Variants in TNKS1BP1 observed in about 807,000 individuals in gnomAD.
The protein encoded by TNKS1BP1 is CCR4-NOT transcription complex subunit 12, also known as 182 kDa tankyrase-1-binding protein.
Under a neutral mutation model 141.1 loss-of-function variants are expected in TNKS1BP1, and 48 were observed. The ratio of observed to expected loss-of-function variants is 0.34; its 90% CI spans 0.27 to 0.43. The LOEUF (loss-of-function observed/expected upper bound fraction) is 0.43. TNKS1BP1 is among the 20% of genes least tolerant of loss of function. TNKS1BP1 has a pLI of 1.00. For missense variants in TNKS1BP1, 2,149 were observed against 2,226.0 expected, an observed-to-expected ratio of 0.97 and a Z score of 0.70; for synonymous variants, 875 against 898.2, an observed-to-expected ratio of 0.97 and a Z score of 0.46.
rs772563466 is a variant in TNKS1BP1, at chr11:57,308,592, G to A, written c.4119C>T (p.Cys1373=). The A allele has an allele frequency of 3.1e-6, 5 of 1,613,928 alleles. No individual in the cohort carries two copies. The African/African-American group carries it at 5.3e-5, about 17-fold the overall frequency. Residue 1373 remains cysteine (C), a synonymous_variant, in exon 6 of 12, where the codon TGC becomes TGT. Transcript: ENST00000358252. ...CATTGTGCCTCAGGCCGGGCTCTGG[G>A]CACTGGCTCACCCCGCCCACCCCAT... The part of the protein sequence containing the change: ...REHGVGGVSQ[C]PEPGLRHNGS...
Position 57,313,787 on chromosome 11 carries a change from A to G in TNKS1BP1, c.901T>C (p.Ser301Pro), listed in dbSNP as rs1415372869. 1.3e-6 allele frequency: 2 copies of G among 1,592,924 alleles called. No individual in the cohort carries two copies. The highest frequency in any genetic ancestry group is 1.3e-5 in the African/African-American group (1 of 74,374). ...PAEASGSGPG[S>P]PHLHPPDKSS... Reference sequence around the variant, plus strand: ...TTATCAGGCGGGTGAAGATGGGGAGAGCCAGGGCCTGAGCCTGAGGCTTCT... The same window carrying G: ...TTATCAGGCGGGTGAAGATGGGGAGGGCCAGGGCCTGAGCCTGAGGCTTCT... The change falls in exon 5 of 12, where the codon TCT becomes CCT. Residue 301 changes from serine to proline, a missense_variant. Coordinates refer to ENST00000358252, the MANE Select transcript of TNKS1BP1 (RefSeq NM_033396.3).
intron 4 of TNKS1BP1, among the ~76,000 whole-genome samples, chr11:57,315,693 C>T (rs1855788301): frequency 6.6e-6 from 1 of 151,588 alleles, no homozygotes; most frequent in Non-Finnish European, 1.5e-5. Flanking sequence ...AGCTGATGGC[C>T]TTGCTTCCTG....
In TNKS1BP1 at chr11:57,312,747, C is replaced by T. The variant is rs370174575; in HGVS notation, c.1941G>A (p.Glu647=). 4 of 1,592,342 alleles carry T rather than the reference C, an allele frequency of 2.5e-6. No homozygotes were observed. The African/African-American group carries it at 4.0e-5, about 16-fold the overall frequency. Reference sequence around the variant, plus strand: ...CCCGGGCTAGGGTCACGGCCTCCTCCTCAACAGGCAGTGCCTGTCCAGGCT... The same window carrying T: ...CCCGGGCTAGGGTCACGGCCTCCTCTTCAACAGGCAGTGCCTGTCCAGGCT... ...APEPGQALPV[E]EEAVTLARAE... The change falls in exon 5 of 12, where the codon GAG becomes GAA. Residue 647 remains glutamate, a synonymous_variant. Transcript: ENST00000358252.
Position 57,313,673 on chromosome 11 carries a change from G to T in TNKS1BP1, c.1015C>A (p.Pro339Thr), listed in dbSNP as rs759968820. The T allele has an allele frequency of 8.3e-6, 13 of 1,567,718 alleles. No individual in the cohort carries two copies. The highest frequency in any genetic ancestry group is 1.1e-5 in the Non-Finnish European group (13 of 1,155,922). The change falls in exon 5 of 12, where the codon CCA becomes ACA. Residue 339 changes from proline (P) to threonine (T), a missense_variant. By Grantham distance (38) the Pro-to-Thr change is conservative. Coordinates refer to ENST00000358252, the MANE Select transcript of TNKS1BP1 (RefSeq NM_033396.3). Reference sequence around the variant, plus strand: ...CCCTCGTCAGGCAGGGCTGCACTTGGAGCTGATGGAGTCACAGCGGGGCAG... The same window carrying T: ...CCCTCGTCAGGCAGGGCTGCACTTGTAGCTGATGGAGTCACAGCGGGGCAG... Reference protein sequence around the residue: ...SPCPAVTPSAPSAALPDEGSR... With the variant: ...SPCPAVTPSATSAALPDEGSR...
chr11:57,309,892 T>C lies in TNKS1BP1; in HGVS notation c.2819A>G (p.Tyr940Cys). ...CTGTGGCTCCGCAGCCCGGCTGCCA[T>C]AGGTGCCGAGTGACACATCTCTCTT... is the stretch of plus-strand genomic sequence containing the variant. ...FQKRDVSLGT[Y>C]GSRAAEPQEQ... Residue 940 changes from tyrosine (Y) to cysteine (C), a missense_variant, in exon 6 of 12, where the codon TAT becomes TGT. Tyr to Cys is a radical substitution (Grantham distance 194). Coordinates refer to ENST00000358252, the MANE Select transcript of TNKS1BP1 (RefSeq NM_033396.3). The surrounding 1 kb of genome is among the most constrained non-coding windows in gnomAD (Gnocchi z 4.3). The C allele has an allele frequency of 5.0e-6, 8 of 1,614,170 alleles. No individual in the cohort carries two copies. Among genetic ancestry groups the C allele is most frequent in the South Asian group, 1.1e-5 (1 of 91,074 alleles).
At position 57,309,019 on chromosome 11, in the gene TNKS1BP1, A is replaced by G. The variant is rs750144135; in HGVS notation, c.3692T>C (p.Val1231Ala). ...GVGEKDWTSD[V>A]NVKSKDLAEV... ...AGCCAAATCTTTGCTCTTCACATTA[A>G]CATCAGAAGTCCAGTCCTTCTCCCC... The change falls in exon 6 of 12, where the codon GTT becomes GCT. Residue 1231 changes from valine (V) to alanine (A), a missense_variant. Coordinates refer to ENST00000358252, the MANE Select transcript of TNKS1BP1 (RefSeq NM_033396.3). The surrounding 1 kb of genome is among the most constrained non-coding windows in gnomAD (Gnocchi z 4.3). The G allele has an allele frequency of 2.8e-5, 45 of 1,613,998 alleles. No individual in the cohort carries two copies. The highest frequency in any genetic ancestry group is 3.7e-5 in the Non-Finnish European group (44 of 1,179,980).
chr11:57,301,838 A>AGGTT lies in TNKS1BP1; in HGVS notation c.4936_4939dup (p.Leu1647GlnfsTer23). 1 of 1,614,154 alleles carries AGGTT rather than the reference A, an allele frequency of 6.2e-7. No individual in the cohort carries two copies. Among genetic ancestry groups the AGGTT allele is most frequent in the Non-Finnish European group, 8.5e-7 (1 of 1,180,014 alleles). ...GGCTGAGGGGCTCAGGCCAGGAAAG[A>AGGTT]GGTTGACTTTCAGCCCCTTGGTGCC... On this transcript the variant is annotated frameshift_variant, in exon 9 of 12. Transcript: ENST00000358252. LOFTEE classifies it high-confidence loss of function.
Position 57,324,867 on chromosome 11 carries a change from G to A in TNKS1BP1, c.-93C>T. ...GCTCGCCCGGGGTCCGGCTCCGCTC[G>A]GCTCGGGGCCCCGATGCCAGTCCCC... On this transcript the variant is annotated 5_prime_UTR_variant, in exon 1 of 12. Transcript: ENST00000358252. The A allele has an allele frequency of 1.0e-6, 1 of 987,210 alleles. No homozygotes were observed. The highest frequency in any genetic ancestry group is 1.2e-6 in the Non-Finnish European group (1 of 832,064). The allele number at this position is 987,210 out of a possible 1,614,324, so 61.2% of individuals were successfully genotyped here.
Position 57,309,877 on chromosome 11 carries a change from G to T in TNKS1BP1, c.2834C>A (p.Ala945Glu). ...VSLGTYGSRA[A>E]EPQEQEFGKS... is the part of the protein sequence containing the mutation. ...CCCAAACTCCTGTTCCTGTGGCTCC[G>T]CAGCCCGGCTGCCATAGGTGCCGAG... is the stretch of plus-strand genomic sequence containing the variant. Residue 945 changes from alanine to glutamate, a missense_variant, in exon 6 of 12, where the codon GCG (alanine) becomes GAG (glutamate). Ala to Glu is a moderately radical substitution (Grantham distance 107). Transcript: ENST00000358252. This position sits in a 1 kb window ranked among gnomAD's most constrained non-coding sequence, Gnocchi z 4.3. 1.2e-6 allele frequency: 2 copies of T among 1,608,540 alleles called. No individual in the cohort carries two copies.
rs773188324 is a variant in TNKS1BP1 at position 57,312,519 on chromosome 11, T to C, written c.2154+15A>G. Reference sequence around the variant, plus strand: ...CTGTCCCCAGAAGTCCCATTCTCCCTATGCCCATTCTCACCTCAGAGCAGG... The same window carrying C: ...CTGTCCCCAGAAGTCCCATTCTCCCCATGCCCATTCTCACCTCAGAGCAGG... On this transcript the variant is annotated intron_variant, in intron 5 of 11. Transcript: ENST00000358252. 21 of 1,465,368 alleles carry C rather than the reference T, an allele frequency of 1.4e-5. No individual in the cohort carries two copies. The East Asian group carries it at 4.4e-4, about 31-fold the overall frequency. 90.8% of individuals were successfully genotyped at this position (1,465,368 alleles called of 1,614,324 possible).
chr11:57,324,767 T>G (rs1417476364), intron 1 of TNKS1BP1, 73 bp downstream of exon 1: 2 of 981,596 alleles, frequency 2.0e-6, no homozygotes, highest in Non-Finnish European at 2.4e-6. Flanking sequence ...AAGCACCCAC[T>G]CCTTCCATGC....
intron 3 of TNKS1BP1, among the ~76,000 whole-genome samples, chr11:57,318,818 C>G (rs989947548): frequency 6.6e-6 from 1 of 152,264 alleles, no homozygotes; most frequent in Non-Finnish European, 1.5e-5. Flanking sequence ...CAGCCAAAAT[C>G]TCTGTGCAGA....
At position 57,308,418 on chromosome 11, in the gene TNKS1BP1, T is replaced by G; in HGVS notation, c.4293A>C (p.Gly1431=). 1 of 1,614,022 alleles carries G rather than the reference T, an allele frequency of 6.2e-7. No individual in the cohort carries two copies. Among genetic ancestry groups the G allele is most frequent in the Non-Finnish European group, 8.5e-7 (1 of 1,179,938 alleles). The change falls in exon 6 of 12, where the codon GGA becomes GGC. Residue 1431 remains glycine, a synonymous_variant. Transcript: ENST00000358252. ...ACCTTGCTCCGAAGCTGAGGGCTTCTCCTGTCTCCATTCCAGGGTCTGCAG... is the reference window on the plus strand; with the variant it reads ...ACCTTGCTCCGAAGCTGAGGGCTTCGCCTGTCTCCATTCCAGGGTCTGCAG... ...PHPADPGMET[G]EALSFGASPG...
Position 57,310,460 on chromosome 11 carries a change from C to G in TNKS1BP1, c.2251G>C (p.Gly751Arg). The change falls in exon 6 of 12, where the codon GGT (glycine) becomes CGT (arginine). Residue 751 changes from glycine (G) to arginine (R), a missense_variant. Gly to Arg is a moderately radical substitution (Grantham distance 125). Transcript: ENST00000358252. ...SSFSPSSWCQGASQDYGLGGA... is the reference protein window; with the variant it reads ...SSFSPSSWCQRASQDYGLGGA... ...CCAAGGCCATAGTCCTGAGAAGCAC[C>G]TTGACACCAGCTGGAAGGACTGAAA... 6.2e-7 allele frequency: 1 copy of G among 1,613,542 alleles called. No homozygotes were observed.
chr11:57,309,341 A>G lies in TNKS1BP1; in HGVS notation c.3370T>C (p.Phe1124Leu), dbSNP rs767795551. The G allele has an allele frequency of 4.3e-6, 7 of 1,614,076 alleles. No individual in the cohort carries two copies. The South Asian group carries it at 7.7e-5, about 18-fold the overall frequency. Reference protein sequence around the residue: ...CIEASERSYQFGIIGNDRVSG... With the variant: ...CIEASERSYQLGIIGNDRVSG... ...ACTCTGTCGTTGCCAATGATGCCAA[A>G]CTGATAGCTCCTCTCACTGGCCTCG... is the stretch of plus-strand genomic sequence containing the variant. The change falls in exon 6 of 12, where the codon TTT (phenylalanine) becomes CTT (leucine). Residue 1124 changes from phenylalanine (F) to leucine (L), a missense_variant. Phe to Leu is a conservative substitution (Grantham distance 22). Coordinates refer to ENST00000358252, the MANE Select transcript of TNKS1BP1 (RefSeq NM_033396.3). The surrounding 1 kb of genome is among the most constrained non-coding windows in gnomAD (Gnocchi z 4.3).
intron 3 of TNKS1BP1, 62 bp downstream of exon 3, chr11:57,320,017 A>AACCCCCCCC: frequency 6.2e-6 from 3 of 483,140 alleles, no homozygotes; most frequent in East Asian, 6.0e-5. Flanking sequence ...CCCAGCCCCC[A>AACCCCCCCC]CCCAATCCCA....
chr11:57,313,573 G>C lies in TNKS1BP1; in HGVS notation c.1115C>G (p.Pro372Arg). The C allele has an allele frequency of 1.3e-6, 2 of 1,589,968 alleles. No homozygotes were observed. Among genetic ancestry groups the C allele is most frequent in the Non-Finnish European group, 1.7e-6 (2 of 1,169,926 alleles). The change falls in exon 5 of 12, where the codon CCT becomes CGT. Residue 372 changes from proline to arginine, a missense_variant. Transcript: ENST00000358252. ...PEAPRPSSPP[P>R]EVLEPHSLDQ... ...CAGGCTATGGGGCTCCAAGACCTCA[G>C]GGGGTGGGCTGCTGGGTCTGGGGGC...
rs757934984 is a variant in TNKS1BP1, at chr11:57,320,645, A to G, written c.162T>C (p.Pro54=). The G allele has an allele frequency of 4.3e-6, 7 of 1,611,328 alleles. No homozygotes were observed. The highest frequency in any genetic ancestry group is 5.9e-6 in the Non-Finnish European group (7 of 1,178,392). The change falls in exon 3 of 12, where the codon CCT becomes CCC. Residue 54 remains proline (P), a synonymous_variant. Transcript: ENST00000358252. ...CAGGCACCAGCAGGCTGGGTTTGGCAGGCAGGGCTGGCTTGGCAGGCAGGG... is the reference window on the plus strand; with the variant it reads ...CAGGCACCAGCAGGCTGGGTTTGGCGGGCAGGGCTGGCTTGGCAGGCAGGG... ...PRALPAKPAL[P]AKPSLLVPVG...
At chr11:57,314,013 G>C in intron 4 of TNKS1BP1, 124 bp from the exon 5 acceptor site, 1 of 1,127,250 alleles carries the variant, frequency 8.9e-7, no homozygotes, top group Non-Finnish European at 1.2e-6. Flanking sequence ...ACTGGAACCC[G>C]AGGGGGTCCT....
Sources: gnomAD v4.1 joint callset for allele counts (sites outside exome capture counted in the v4.1 genomes callset) on GRCh38, gnomAD v4.1.1 for gene constraint, Gnocchi (gnomAD v3.1) non-coding constraint, MANE v1.5 for transcripts, NCBI Gene and HGNC (gene_info 2026-07-23, HGNC 2026-07-21) for gene names.